ERV3-1: variants seen among roughly 807,000 people sequenced by gnomAD.
ERV3-1 encodes the protein endogenous retrovirus group 3 member 1, envelope.
Under a neutral mutation model 24.6 loss-of-function variants are expected in ERV3-1, and 36 were observed. That is an observed-to-expected ratio of 1.47 (90% CI 1.12 to 1.94). The LOEUF (loss-of-function observed/expected upper bound fraction) is 1.94. Among genes scored for constraint, ERV3-1 ranks in the 30% most tolerant of loss-of-function variants. ERV3-1 has a pLI of 0.00. For synonymous variants in ERV3-1, 211 were observed against 122.6 expected (o/e 1.72, Z -4.76); for missense variants, 578 against 330.9 (o/e 1.75, Z -5.79).
intron 1 of ERV3-1, among the ~76,000 whole-genome samples, chr7:65,002,787 A>AT (rs1283187850): frequency 3.9e-5 from 6 of 151,946 alleles, no homozygotes; most frequent in Admixed American, 2.0e-4. Flanking sequence ...CTAAAATCTG[A>AT]TTTTTTTTCA....
In ERV3-1 at chr7:64,992,849, T is replaced by C. The variant is rs377165951; in HGVS notation, c.178A>G (p.Thr60Ala). The change falls in exon 2 of 2, where the codon ACT becomes GCT. Residue 60 changes from threonine to alanine, a missense_variant. Thr to Ala is a moderately conservative substitution (Grantham distance 58). Transcript: ENST00000394323. ...YYECAGTCLG[T>A]CTHNQTTYSV... ...TAGGTTGTCTGGTTGTGAGTACAAG[T>C]TCCTAGGCAGGTCCCAGCACACTCA... is the stretch of plus-strand genomic sequence containing the variant. 1 of 766,304 alleles carries C rather than the reference T, an allele frequency of 1.3e-6. No homozygotes were observed. The highest frequency in any genetic ancestry group is 1.7e-5 in the African/African-American group (1 of 59,126). The allele number at this position is 766,304 out of a possible 1,614,324, so 47.5% of individuals were successfully genotyped here. A position where few individuals can be genotyped will look rare whatever the true frequency, so the allele number is the denominator to read the frequency against.
At chr7:64,997,598 A>C (rs1786432177) in intron 1 of ERV3-1, among the ~76,000 whole-genome samples, 1 of 152,098 alleles carries the variant, frequency 6.6e-6, no homozygotes, top group Non-Finnish European at 1.5e-5. Context: ...TTTGGGTCCC[A>C]GTGTAGGCTG....
chr7:64,991,116 T>C lies in ERV3-1; in HGVS notation c.*96A>G, dbSNP rs1194428593. The C allele has an allele frequency of 6.6e-6, 4 of 605,022 alleles. No homozygotes were observed. The East Asian group carries it at 8.2e-5, about 12-fold the overall frequency. The allele number at this position is 605,022 out of a possible 1,614,324, so 37.5% of individuals were successfully genotyped here. ...CAATGAGGGGTAAGAGACAAGGGAG[T>C]ATAAGGCAAACTCCCAATATGGCTA... On this transcript the variant is annotated 3_prime_UTR_variant, in exon 2 of 2. Coordinates refer to ENST00000394323, the MANE Select transcript of ERV3-1 (RefSeq NM_001007253.4).
chr7:64,992,816 A>G lies in ERV3-1; in HGVS notation c.211T>C (p.Cys71Arg). 1.3e-6 allele frequency: 1 copy of G among 766,428 alleles called. No homozygotes were observed. The highest frequency in any genetic ancestry group is 2.4e-6 in the Non-Finnish European group (1 of 417,894). 47.5% of individuals were successfully genotyped at this position (766,428 alleles called of 1,614,324 possible). The change falls in exon 2 of 2, where the codon TGT (cysteine) becomes CGT (arginine). Residue 71 changes from cysteine (C) to arginine (R), a missense_variant. Cys to Arg is a radical substitution (Grantham distance 180). Transcript: ENST00000394323. ...TAAGGCTGGCCCCTTCCTGGGTCAC[A>G]GACTGAGTAGGTTGTCTGGTTGTGA... ...CTHNQTTYSV[C>R]DPGRGQPYVC... is the part of the protein sequence containing the mutation.
At chr7:64,999,196 C>T (rs576216149) in intron 1 of ERV3-1, among the ~76,000 whole-genome samples, 9 of 152,256 alleles carry the variant, frequency 5.9e-5, no homozygotes, top group African/African-American at 1.9e-4. Flanking sequence ...GGAGGGGCGC[C>T]GGGTCATGGG....
chr7:64,993,326 A>G lies in ERV3-1; in HGVS notation c.-300T>C, dbSNP rs1183957177. On this transcript the variant is annotated 5_prime_UTR_variant, in exon 2 of 2. It removes an upstream start codon present in the reference 5' UTR. Coordinates refer to ENST00000394323, the MANE Select transcript of ERV3-1 (RefSeq NM_001007253.4). ...TCCATCGTAGGATCAGCTGGGTTGC[A>G]TGGTCTAGGTCCTGTTGGCTGGTCC... 1.6e-5 allele frequency: 5 copies of G among 315,548 alleles called. No individual in the cohort carries two copies. The highest frequency in any genetic ancestry group is 1.1e-4 in the South Asian group (2 of 18,950). The allele number at this position is 315,548 out of a possible 1,614,324, so 19.5% of individuals were successfully genotyped here. A position where few individuals can be genotyped will look rare whatever the true frequency, so the allele number is the denominator to read the frequency against.
intron 1 of ERV3-1, 172 bp downstream of exon 1, chr7:65,006,369 G>A: frequency 2.7e-6 from 3 of 1,125,440 alleles, no homozygotes; most frequent in South Asian, 2.8e-5. Flanking sequence ...CTGTCAGCCC[G>A]GCCGCCATCC....
At chr7:65,005,013 A>C (rs1345049941) in intron 1 of ERV3-1, 1 of 152,320 alleles carries the variant, frequency 6.6e-6, no homozygotes, top group East Asian at 1.9e-4. Flanking sequence ...CGAGAAATGG[A>C]ACCCGGGTTG....
At position 64,998,076 on chromosome 7, in the gene ERV3-1, G is replaced by A. The variant is rs559921029; in HGVS notation, c.-388-4662C>T. ...GATTTCCCCCTTTGAGGTGTAGCCTGGAGTGTGTCACCATCTGAGTCTGGC... is the reference window on the plus strand; with the variant it reads ...GATTTCCCCCTTTGAGGTGTAGCCTAGAGTGTGTCACCATCTGAGTCTGGC... On this transcript the variant is annotated intron_variant, in intron 1 of 1. Coordinates refer to ENST00000394323, the MANE Select transcript of ERV3-1 (RefSeq NM_001007253.4). 5.3e-5 allele frequency among the ~76,000 whole-genome samples: 8 copies of A among 152,228 alleles called. No individual in the cohort carries two copies. The South Asian group carries it at 1.5e-3, about 28-fold the overall frequency.
intron 1 of ERV3-1, among the ~76,000 whole-genome samples, chr7:64,999,939 T>C (rs1786483927): frequency 6.6e-6 from 1 of 152,230 alleles, no homozygotes; most frequent in Non-Finnish European, 1.5e-5. Flanking sequence ...CTGCCTCATA[T>C]ACACTGCCTG....
At chr7:65,000,431 G>T (rs935719346) in intron 1 of ERV3-1, among the ~76,000 whole-genome samples, 1 of 151,896 alleles carries the variant, frequency 6.6e-6, no homozygotes, top group Non-Finnish European at 1.5e-5. Flanking sequence ...CATCGTGTTA[G>T]CCAGGATGGT....
chr7:64,999,224 C>CGGGT (rs1238023567), intron 1 of ERV3-1, among the ~76,000 whole-genome samples: 1 of 152,214 alleles, frequency 6.6e-6, no homozygotes, highest in Non-Finnish European at 1.5e-5. Flanking sequence ...ATCTCCCCTC[C>CGGGT]GGGTTGAAGG....
chr7:64,993,892 A>G (rs1402412666), intron 1 of ERV3-1, among the ~76,000 whole-genome samples: 3 of 152,054 alleles, frequency 2.0e-5, no homozygotes, highest in African/African-American at 7.2e-5. Context: ...TTTATTTTTA[A>G]CACTCGTGTT....
rs1786322949 is a variant in ERV3-1, at chr7:64,993,179, C to G, written c.-153G>C. ...GACTCAAGCTTCGGCCGTGCATAGA[C>G]TAGTCAGCTTCTGGGGTGACTAGAG... On this transcript the variant is annotated 5_prime_UTR_variant, in exon 2 of 2. Coordinates refer to ENST00000394323, the MANE Select transcript of ERV3-1 (RefSeq NM_001007253.4). The G allele has an allele frequency of 3.3e-6, 2 of 598,110 alleles. No individual in the cohort carries two copies. The highest frequency in any genetic ancestry group is 5.9e-6 in the Non-Finnish European group (2 of 336,834). The allele number at this position is 598,110 out of a possible 1,614,324, so 37.1% of individuals were successfully genotyped here. A position where few individuals can be genotyped will look rare whatever the true frequency, so the allele number is the denominator to read the frequency against.
intron 1 of ERV3-1, 192 bp downstream of exon 1, chr7:65,006,349 G>T: frequency 2.2e-6 from 2 of 904,126 alleles, no homozygotes; most frequent in South Asian, 3.1e-5. Context: ...CAGGATGCCC[G>T]GGGTCCGAGC....
intron 1 of ERV3-1, among the ~76,000 whole-genome samples, chr7:65,000,531 C>T (rs1179015792): frequency 6.6e-6 from 1 of 152,198 alleles, no homozygotes; most frequent in East Asian, 1.9e-4. Context: ...CCAATCACAG[C>T]ACTTTCATAG....
Position 64,992,358 on chromosome 7 carries a change from T to A in ERV3-1, c.669A>T (p.Arg223=), listed in dbSNP as rs377566396. The change falls in exon 2 of 2, where the codon CGA becomes CGT. Residue 223 remains arginine (R), a synonymous_variant. Transcript: ENST00000394323. ...TTGLKAPLGA[R]VSGEEIGPGA... is the part of the protein sequence containing the mutation. ...CTGGGCCAATTTCTTCACCGCTGAC[T>A]CGTGCCCCTAGCGGTGCTTTTAAAC... 9.1e-6 allele frequency: 7 copies of A among 766,338 alleles called. No individual in the cohort carries two copies. Among genetic ancestry groups the A allele is most frequent in the Middle Eastern group, 2.2e-4 (1 of 4,462 alleles). 47.5% of individuals were successfully genotyped at this position (766,338 alleles called of 1,614,324 possible).
chr7:65,006,451 C>A, intron 1 of ERV3-1, 90 bp downstream of exon 1: 1 of 1,525,298 alleles, frequency 6.6e-7, no homozygotes, highest in Non-Finnish European at 9.1e-7. Context: ...GAGCCAGCTG[C>A]GGGGAGGCCA....
chr7:65,005,018 G>A (rs1036792440), intron 1 of ERV3-1: 1 of 152,522 alleles, frequency 6.6e-6, no homozygotes, highest in African/African-American at 2.4e-5. Context: ...AATGGAACCC[G>A]GGTTGCTTGA....
Sources: gnomAD v4.1 joint callset for allele counts (sites outside exome capture counted in the v4.1 genomes callset) on GRCh38, gnomAD v4.1.1 for gene constraint, MANE v1.5 for transcripts, NCBI Gene and HGNC (gene_info 2026-07-23, HGNC 2026-07-21) for gene names.